Variants in ANKRD33B observed in about 807,000 individuals in gnomAD.
ANKRD33B encodes the protein ankyrin repeat domain-containing protein 33B.
A neutral mutation model predicts 21.5 loss-of-function variants in ANKRD33B; 6 were observed. The ratio of observed to expected loss-of-function variants is 0.28; its 90% CI spans 0.15 to 0.55. The LOEUF is 0.55. ANKRD33B is among the 20% of genes least tolerant of loss of function. ANKRD33B has a pLI of 0.94. For missense variants in ANKRD33B, 698 were observed against 747.2 expected (o/e 0.93, Z 0.77); for synonymous variants, 347 against 342.4 (o/e 1.01, Z -0.15).
In ANKRD33B at chr5:10,622,246, C is replaced by A. The variant is rs141286498; in HGVS notation, c.496+3784C>A. Among the ~76,000 whole-genome samples the A allele has an allele frequency of 1.6e-3, 237 of 152,314 alleles. 1 individual carries two copies. The highest frequency in any genetic ancestry group is 5.4e-3 in the African/African-American group (225 of 41,568). On this transcript the variant is annotated intron_variant, in intron 2 of 3. Transcript: ENST00000296657. ...TGCCAGAGGGTCCCCTGGACAGCAC[C>A]CAGAACCCCACATCCAGCACCAGCA... is the stretch of plus-strand genomic sequence containing the variant.
intron 1 of ANKRD33B, among the ~76,000 whole-genome samples, chr5:10,569,763 G>T (rs1735136806): frequency 6.6e-6 from 1 of 152,186 alleles, no homozygotes; most frequent in African/African-American, 2.4e-5. Context: ...GCTGAAATGG[G>T]CTTGGCGATG....
chr5:10,610,908 G>A (rs1412254203), intron 1 of ANKRD33B, among the ~76,000 whole-genome samples: 2 of 152,162 alleles, frequency 1.3e-5, no homozygotes, highest in Admixed American at 1.3e-4. Context: ...GCTGGGTGTG[G>A]TGGCGGGAGA....
intron 1 of ANKRD33B, among the ~76,000 whole-genome samples, chr5:10,583,295 C>T (rs1191038538): frequency 6.6e-6 from 1 of 152,160 alleles, no homozygotes; most frequent in Non-Finnish European, 1.5e-5. Flanking sequence ...CCACCGCGCC[C>T]GACCTGTCCC....
At position 10,564,573 on chromosome 5, in the gene ANKRD33B, G is replaced by A. The variant is rs1477432248; in HGVS notation, c.106G>A (p.Asp36Asn). 3 of 1,534,402 alleles carry A rather than the reference G, an allele frequency of 2.0e-6. No homozygotes were observed. The highest frequency in any genetic ancestry group is 2.6e-6 in the Non-Finnish European group (3 of 1,146,524). The part of the protein sequence containing the change: ...RGAQVEEDPA[D>N]YEEFEDFSSL... Reference sequence around the variant, plus strand: ...CGCGCAGGTCGAGGAGGACCCCGCTGACTACGAAGAGTTTGAGGACTTCTC... The same window carrying A: ...CGCGCAGGTCGAGGAGGACCCCGCTAACTACGAAGAGTTTGAGGACTTCTC... The change falls in exon 1 of 4, where the codon GAC becomes AAC. Residue 36 changes from aspartate to asparagine, a missense_variant. By Grantham distance (23) the Asp-to-Asn change is conservative. Coordinates refer to ENST00000296657, the MANE Select transcript of ANKRD33B (RefSeq NM_001164440.2).
rs1431087186 is a variant in ANKRD33B at position 10,576,638 on chromosome 5, G to T, written c.366+11805G>T. Among the ~76,000 whole-genome samples, 1 of 152,218 alleles carries T rather than the reference G, an allele frequency of 6.6e-6. No individual in the cohort carries two copies. The highest frequency in any genetic ancestry group is 1.5e-5 in the Non-Finnish European group (1 of 68,036). On this transcript the variant is annotated intron_variant, in intron 1 of 3. Coordinates refer to ENST00000296657, the MANE Select transcript of ANKRD33B (RefSeq NM_001164440.2). This position sits in a 1 kb window ranked among gnomAD's most constrained non-coding sequence, Gnocchi z 4.1. Reference sequence around the variant, plus strand: ...AGTAAGTTACAGAGAATGTGCTTGTGCTGTAATAGACACTCAGTAAACAGA... The same window carrying T: ...AGTAAGTTACAGAGAATGTGCTTGTTCTGTAATAGACACTCAGTAAACAGA...
intron 1 of ANKRD33B, among the ~76,000 whole-genome samples, chr5:10,594,883 G>T (rs897011482): frequency 6.6e-6 from 1 of 152,200 alleles, no homozygotes; most frequent in Admixed American, 6.5e-5. Context: ...GGCAGCAGGA[G>T]TGGTGATTGT....
intron 1 of ANKRD33B, among the ~76,000 whole-genome samples, chr5:10,609,520 A>G (rs963668134): frequency 3.3e-5 from 5 of 152,134 alleles, no homozygotes; most frequent in African/African-American, 1.2e-4. Flanking sequence ...TCCAGCAGGT[A>G]ACAGACCAAG....
chr5:10,608,076 C>T (rs1175491149), intron 1 of ANKRD33B, among the ~76,000 whole-genome samples: 2 of 151,680 alleles, frequency 1.3e-5, no homozygotes, highest in Non-Finnish European at 2.9e-5. Context: ...AGGCTGAGTA[C>T]GGGGGCTCAC....
At chr5:10,567,552 CTCTG>C (rs1189197198) in intron 1 of ANKRD33B, among the ~76,000 whole-genome samples, 1 of 152,244 alleles carries the variant, frequency 6.6e-6, no homozygotes, top group Non-Finnish European at 1.5e-5. Context: ...GTCACTCCCT[CTCTG>C]TCTGCAGGCT....
chr5:10,633,491 C>A (rs919134217), intron 2 of ANKRD33B, among the ~76,000 whole-genome samples: 1 of 152,244 alleles, frequency 6.6e-6, no homozygotes, highest in Non-Finnish European at 1.5e-5. Context: ...GCCTGTGTGC[C>A]TCACACTGGT....
Position 10,656,307 on chromosome 5 carries a change from A to G in ANKRD33B, c.*6194A>G, listed in dbSNP as rs1237035192. On this transcript the variant is annotated 3_prime_UTR_variant, in exon 4 of 4. Coordinates refer to ENST00000296657, the MANE Select transcript of ANKRD33B (RefSeq NM_001164440.2). ...TCAGCTGAAAGCCGGTGTTGCATAC[A>G]CAATTTCCTCACGCTGACCCAGCCT... is the stretch of plus-strand genomic sequence containing the variant. The G allele has an allele frequency of 6.6e-6, 1 of 152,410 alleles. No homozygotes were observed. The highest frequency in any genetic ancestry group is 2.4e-5 in the African/African-American group (1 of 41,460). The allele number at this position is 152,410 out of a possible 1,614,324, so 9.4% of individuals were successfully genotyped here. A position where few individuals can be genotyped will look rare whatever the true frequency, so the allele number is the denominator to read the frequency against.
At chr5:10,631,582 CA>C (rs1736711136) in intron 2 of ANKRD33B, among the ~76,000 whole-genome samples, 1 of 152,210 alleles carries the variant, frequency 6.6e-6, no homozygotes, top group Non-Finnish European at 1.5e-5. Flanking sequence ...CAGACCCTTC[CA>C]GGGGCAGAAG....
At chr5:10,578,747 G>A (rs929244354) in intron 1 of ANKRD33B, among the ~76,000 whole-genome samples, 1 of 152,230 alleles carries the variant, frequency 6.6e-6, no homozygotes. Flanking sequence ...TGAACCGTTG[G>A]GTTTGTTTAT....
chr5:10,577,477 C>T (rs1282724988), intron 1 of ANKRD33B, among the ~76,000 whole-genome samples: 1 of 152,212 alleles, frequency 6.6e-6, no homozygotes, highest in Non-Finnish European at 1.5e-5. Flanking sequence ...AGTCGGGGCC[C>T]ATCCTGGGTC....
intron 2 of ANKRD33B, among the ~76,000 whole-genome samples, chr5:10,636,987 C>T (rs1208561269): frequency 6.6e-6 from 1 of 152,196 alleles, no homozygotes; most frequent in East Asian, 1.9e-4. Context: ...TGCCTAGTGT[C>T]CTGCAGTGCA....
At chr5:10,565,575 C>T (rs1336320085) in intron 1 of ANKRD33B, among the ~76,000 whole-genome samples, 1 of 152,234 alleles carries the variant, frequency 6.6e-6, no homozygotes, top group African/African-American at 2.4e-5. Context: ...GGCGTGGAGG[C>T]AGGCACAGGC....
chr5:10,618,575 C>A, intron 2 of ANKRD33B, 113 bp downstream of exon 2: 1 of 1,383,484 alleles, frequency 7.2e-7, no homozygotes, highest in Non-Finnish European at 9.5e-7. Context: ...AGACCATGTC[C>A]TGCTACCAAG....
At chr5:10,580,707 G>A (rs1438876852) in intron 1 of ANKRD33B, among the ~76,000 whole-genome samples, 1 of 152,014 alleles carries the variant, frequency 6.6e-6, no homozygotes, top group Non-Finnish European at 1.5e-5. Flanking sequence ...TCGGGGGTGA[G>A]GCTTGGGAGG....
intron 2 of ANKRD33B, 127 bp from the exon 3 acceptor site, chr5:10,637,901 A>G (rs1579752581): frequency 2.7e-6 from 3 of 1,110,236 alleles, no homozygotes; most frequent in Non-Finnish European, 1.3e-6. Context: ...TCCGAGAAAA[A>G]CTCACACAGC....
Sources: gnomAD v4.1 joint callset for allele counts (sites outside exome capture counted in the v4.1 genomes callset) on GRCh38, gnomAD v4.1.1 for gene constraint, Gnocchi (gnomAD v3.1) non-coding constraint, MANE v1.5 for transcripts, NCBI Gene and HGNC (gene_info 2026-07-23, HGNC 2026-07-21) for gene names.